The following HHIP variants were observed in gnomAD, a reference collection of about 807,000 sequenced individuals.
HHIP encodes hedgehog interacting protein.
In HHIP, 12 loss-of-function variants were observed where a neutral mutation model predicts 74.0. The observed-to-expected ratio is 0.16, with a 90% CI of 0.10 to 0.26. HHIP has a LOEUF of 0.26. HHIP is among the 10% of genes least tolerant of loss of function. The probability of loss-of-function intolerance (pLI) is 1.00; values close to 1 mark genes in which losing one functional copy is unlikely to be tolerated. For missense variants in HHIP, 788 were observed against 845.0 expected, an observed-to-expected ratio of 0.93 and a Z score of 0.84; for synonymous variants, 309 against 311.6, an observed-to-expected ratio of 0.99 and a Z score of 0.09.
Position 144,714,245 on chromosome 4 carries a change from G to C in HHIP, c.1444G>C (p.Glu482Gln). ...TCCAGAAAGTGAGCCATCACTTTTAGAATTCAAGCCATTCAGTAATGGTCC... is the reference window on the plus strand; with the variant it reads ...TCCAGAAAGTGAGCCATCACTTTTACAATTCAAGCCATTCAGTAATGGTCC... ...KDYESEPSLLEFKPFSNGPLV... is the reference protein window; with the variant it reads ...KDYESEPSLLQFKPFSNGPLV... The change falls in exon 9 of 13, where the codon GAA becomes CAA. Residue 482 changes from glutamate to glutamine, a missense_variant. Around this residue, in one of 3 missense-constraint regions of HHIP, gnomAD observed 343 missense variants for 347.9 expected, o/e 0.99. Coordinates refer to ENST00000296575, the MANE Select transcript of HHIP (RefSeq NM_022475.3). The C allele has an allele frequency of 6.2e-7, 1 of 1,613,092 alleles. No homozygotes were observed. The highest frequency in any genetic ancestry group is 8.5e-7 in the Non-Finnish European group (1 of 1,179,366).
intron 3 of HHIP, among the ~76,000 whole-genome samples, chr4:144,659,365 T>A (rs1281797822): frequency 6.6e-6 from 1 of 152,240 alleles, no homozygotes; most frequent in African/African-American, 2.4e-5. Flanking sequence ...GTCGCTGAAA[T>A]ATGAGAAAAT....
intron 4 of HHIP, among the ~76,000 whole-genome samples, chr4:144,671,305 G>A (rs1436081045): frequency 3.5e-5 from 5 of 141,232 alleles, no homozygotes; most frequent in Admixed American, 7.4e-5. Flanking sequence ...ATGTCTCCTC[G>A]TCCAAGGAGG....
At chr4:144,691,758 G>A (rs1343249172) in intron 4 of HHIP, among the ~76,000 whole-genome samples, 1 of 151,944 alleles carries the variant, frequency 6.6e-6, no homozygotes, top group Non-Finnish European at 1.5e-5. Context: ...AGCTGCAAAT[G>A]AAAAGTCTAA....
rs1372602429 is a variant in HHIP, at chr4:144,706,659, G to T, written c.960G>T (p.Arg320Ser). 6 of 1,613,366 alleles carry T rather than the reference G, an allele frequency of 3.7e-6. No homozygotes were observed. The highest frequency in any genetic ancestry group is 5.1e-6 in the Non-Finnish European group (6 of 1,179,770). Residue 320 changes from arginine (R) to serine (S), a missense_variant, in exon 5 of 13, where the codon AGG becomes AGT. Arg to Ser is a moderately radical substitution (Grantham distance 110). Around this residue, in one of 3 missense-constraint regions of HHIP, gnomAD observed 72 missense variants for 130.6 expected, o/e 0.55. Coordinates refer to ENST00000296575, the MANE Select transcript of HHIP (RefSeq NM_022475.3). ...TCGGGCCTCATGACCACATTCTTAG[G>T]GTTGTGGAATACACAGTATCCAGGT... ...WAIGPHDHIL[R>S]VVEYTVSRKN...
chr4:144,735,595 G>A (rs578080196), intron 12 of HHIP, among the ~76,000 whole-genome samples: 3 of 152,258 alleles, frequency 2.0e-5, no homozygotes, highest in Admixed American at 6.5e-5. Context: ...AGTTTAAAAT[G>A]TGTATGTTGA....
intron 4 of HHIP, among the ~76,000 whole-genome samples, chr4:144,661,669 A>G (rs919128915): frequency 1.3e-5 from 2 of 152,148 alleles, no homozygotes; most frequent in African/African-American, 2.4e-5. Context: ...ATACCACCAT[A>G]TTTATGAGTT....
At chr4:144,667,585 A>G (rs961028227) in intron 4 of HHIP, among the ~76,000 whole-genome samples, 4 of 152,212 alleles carry the variant, frequency 2.6e-5, no homozygotes, top group African/African-American at 9.6e-5. Flanking sequence ...GACATTAATT[A>G]TAGGGTATTG....
chr4:144,710,943 C>T (rs1730280332), intron 7 of HHIP, among the ~76,000 whole-genome samples: 2 of 152,244 alleles, frequency 1.3e-5, no homozygotes, highest in South Asian at 2.1e-4. Context: ...CCAAGCTCCT[C>T]ATACCCAGTC....
Position 144,715,336 on chromosome 4 carries a change from G to C in HHIP, c.1584G>C (p.Lys528Asn). 2 of 1,613,392 alleles carry C rather than the reference G, an allele frequency of 1.2e-6. No homozygotes were observed. Among genetic ancestry groups the C allele is most frequent in the Non-Finnish European group, 1.7e-6 (2 of 1,179,460 alleles). ...CTCTCCAGCAAAGTCCTGTGACAAA[G>C]CAGTGGCAAGAAAAACCACTCTGTC... is the stretch of plus-strand genomic sequence containing the variant. ...FLTLQQSPVTKQWQEKPLCLG... is the reference protein window; with the variant it reads ...FLTLQQSPVTNQWQEKPLCLG... Residue 528 changes from lysine to asparagine, a missense_variant, in exon 10 of 13, where the codon AAG becomes AAC. Transcript: ENST00000296575.
At chr4:144,704,969 CAG>C (rs1291850027) in intron 4 of HHIP, among the ~76,000 whole-genome samples, 2 of 152,138 alleles carry the variant, frequency 1.3e-5, no homozygotes, top group East Asian at 1.9e-4. Context: ...ATCTGAAAAA[CAG>C]AGAGTCATTC....
intron 4 of HHIP, among the ~76,000 whole-genome samples, chr4:144,699,481 T>C (rs1729916938): frequency 6.6e-6 from 1 of 152,082 alleles, no homozygotes; most frequent in African/African-American, 2.4e-5. Flanking sequence ...TTACTGGCCA[T>C]TGGTGATTGA....
chr4:144,709,517 C>A (rs1730231923), intron 7 of HHIP, among the ~76,000 whole-genome samples: 1 of 152,152 alleles, frequency 6.6e-6, no homozygotes, highest in Non-Finnish European at 1.5e-5. Flanking sequence ...TGCTGCGGAG[C>A]CTCCCCACCT....
intron 4 of HHIP, among the ~76,000 whole-genome samples, chr4:144,686,679 G>A (rs1435334737): frequency 6.6e-6 from 1 of 152,138 alleles, no homozygotes; most frequent in African/African-American, 2.4e-5. Context: ...AGACTTTTAA[G>A]TTAAAGACTT....
chr4:144,659,045 A>C, intron 3 of HHIP, 99 bp downstream of exon 3: 1 of 918,060 alleles, frequency 1.1e-6, no homozygotes. Context: ...TATGTTCAGC[A>C]GCTATATCCT....
In HHIP at chr4:144,708,314, G is replaced by A. The variant is rs755313439; in HGVS notation, c.1301+3G>A. 96 of 1,613,886 alleles carry A rather than the reference G, an allele frequency of 5.9e-5. No individual in the cohort carries two copies. The Admixed American group carries it at 1.5e-3, about 24-fold the overall frequency. ...CATGGGCTCCACGATCCAGGCAGGT[G>A]AGAACACAAGTCTGTCTTCTCACTG... is the stretch of plus-strand genomic sequence containing the variant. On this transcript the variant is annotated splice_donor_region_variant and intron_variant, in intron 7 of 12. Coordinates refer to ENST00000296575, the MANE Select transcript of HHIP (RefSeq NM_022475.3).
At chr4:144,718,526 T>C (rs1036934535) in intron 10 of HHIP, among the ~76,000 whole-genome samples, 6 of 152,230 alleles carry the variant, frequency 3.9e-5, no homozygotes, top group South Asian at 4.1e-4. Flanking sequence ...CCAACGTACA[T>C]GATCTAACTC....
At position 144,711,932 on chromosome 4, in the gene HHIP, T is replaced by G. The variant is rs1560715839; in HGVS notation, c.1302-18T>G. ...AGATCACGGTAGGAATTAATGTGTA[T>G]CCCCTCTTGTTATGCAGATGTGCTG... is the stretch of plus-strand genomic sequence containing the variant. On this transcript the variant is annotated intron_variant, in intron 7 of 12. Coordinates refer to ENST00000296575, the MANE Select transcript of HHIP (RefSeq NM_022475.3). 1.2e-6 allele frequency: 2 copies of G among 1,609,410 alleles called. No individual in the cohort carries two copies. Among genetic ancestry groups the G allele is most frequent in the Non-Finnish European group, 8.5e-7 (1 of 1,178,002 alleles).
rs75790410 is a variant in HHIP, at chr4:144,665,866, C to T, written c.831+6028C>T. ...CCTAAATTTTAGGTCCCATCAGTCA[C>T]AGCAGAGGTGAGGAAAGTTTTTACA... On this transcript the variant is annotated intron_variant, in intron 4 of 12. Transcript: ENST00000296575. Among the ~76,000 whole-genome samples the T allele has an allele frequency of 2.8e-3, 430 of 152,284 alleles. 2 individuals are homozygous for T. Among genetic ancestry groups the T allele is most frequent in the African/African-American group, 0.01 (417 of 41,544 alleles).
intron 4 of HHIP, among the ~76,000 whole-genome samples, chr4:144,681,288 A>G (rs1307489608): frequency 2.0e-5 from 3 of 152,164 alleles, no homozygotes; most frequent in African/African-American, 7.2e-5. Flanking sequence ...ATATATAAAG[A>G]CTATGAATTG....
Sources: allele counts gnomAD v4.1 joint callset (sites outside exome capture counted in the v4.1 genomes callset), GRCh38; gene constraint gnomAD v4.1.1; regional missense constraint gnomAD v4.1.1; transcripts MANE v1.5; gene names NCBI Gene and HGNC (gene_info 2026-07-23, HGNC 2026-07-21).